The following DCAF8 variants were observed in gnomAD, a reference collection of about 807,000 sequenced individuals.
The protein encoded by DCAF8 is DDB1 and CUL4 associated factor 8.
DCAF8 carries 20 observed loss-of-function variants against 68.0 expected under a neutral mutation model. That is an observed-to-expected ratio of 0.29 (90% confidence interval 0.21 to 0.43). The LOEUF (loss-of-function observed/expected upper bound fraction) is 0.43. Among genes scored for constraint, DCAF8 ranks in the 20% least tolerant of loss-of-function variants. DCAF8 has a pLI of 1.00. For missense variants in DCAF8, 460 were observed against 771.0 expected (o/e 0.60, Z 4.78); for synonymous variants, 230 against 276.9 (o/e 0.83, Z 1.68).
chr1:160,224,964 C>A, intron 9 of DCAF8, 98 bp downstream of exon 9: 2 of 1,146,280 alleles, frequency 1.7e-6, no homozygotes, highest in South Asian at 1.2e-5. Flanking sequence ...GGAGCTATAG[C>A]ACAGTGGTGA....
intron 6 of DCAF8, among the ~76,000 whole-genome samples, chr1:160,234,033 T>C (rs920874770): frequency 2.6e-5 from 4 of 152,164 alleles, no homozygotes; most frequent in African/African-American, 9.7e-5. Context: ...TACCTCAAAC[T>C]GGCTTCCACT....
intron 2 of DCAF8, among the ~76,000 whole-genome samples, chr1:160,257,152 T>G (rs1656866654): frequency 6.6e-6 from 1 of 152,150 alleles, no homozygotes; most frequent in South Asian, 2.1e-4. Context: ...GGCTCTAAAA[T>G]GAAAATATAC....
rs770439592 is a variant in DCAF8, at chr1:160,231,435, T to C, written c.960-28A>G. The C allele has an allele frequency of 5.2e-6, 8 of 1,549,274 alleles. No homozygotes were observed. The Admixed American group carries it at 1.2e-4, about 23-fold the overall frequency. On this transcript the variant is annotated intron_variant, in intron 6 of 13. Transcript: ENST00000368074. ...TTAAGAGTAGAAAAGCACAGAAAGT[T>C]ATATACTCCAAAAGATCCAAATGGT...
intron 6 of DCAF8, 122 bp downstream of exon 6, chr1:160,237,013 C>A: frequency 3.2e-6 from 2 of 622,136 alleles, no homozygotes; most frequent in Non-Finnish European, 5.4e-6. Context: ...CCTTAAACTA[C>A]CTCTTAACCA....
At position 160,236,416 on chromosome 1, in the gene DCAF8, A is replaced by G. The variant is rs146444030; in HGVS notation, c.959+719T>C. Among the ~76,000 whole-genome samples, 14 of 151,502 alleles carry G rather than the reference A, an allele frequency of 9.2e-5. No individual in the cohort carries two copies. In the East Asian group the frequency reaches 9.7e-4, roughly 10 times the overall value. ...TGTGTACATGTGTATATGTGTGTGT[A>G]TATATGTGTGTGTGTATGTGTGTGT... is the stretch of plus-strand genomic sequence containing the variant. On this transcript the variant is annotated intron_variant, in intron 6 of 13. Transcript: ENST00000368074.
intron 4 of DCAF8, chr1:160,239,354 C>T: frequency 7.6e-7 from 1 of 1,319,062 alleles, no homozygotes; most frequent in African/African-American, 1.5e-5. Flanking sequence ...GGTAAAATAA[C>T]TTGGCCAAGA....
chr1:160,229,607 C>G (rs1434707539), intron 7 of DCAF8, among the ~76,000 whole-genome samples: 1 of 152,200 alleles, frequency 6.6e-6, no homozygotes. Context: ...TTCAAGTAAT[C>G]TGGAGCTCTA....
intron 3 of DCAF8, 30 bp from the exon 4 acceptor site, chr1:160,240,400 G>C: frequency 6.5e-7 from 1 of 1,549,590 alleles, no homozygotes; most frequent in Non-Finnish European, 8.7e-7. Flanking sequence ...GAGTAGAGGA[G>C]AGGGAAAAAT....
rs879710388 is a variant in DCAF8 at position 160,230,926 on chromosome 1, AT to A, written c.1070+370del. Among the ~76,000 whole-genome samples the A allele has an allele frequency of 2.4e-3, 343 of 144,056 alleles. 1 individual carries two copies. The highest frequency in any genetic ancestry group is 3.9e-3 in the Non-Finnish European group (255 of 65,250). The allele number at this position is 144,056 out of a possible 152,430, so 94.5% of individuals were successfully genotyped here. On this transcript the variant is annotated intron_variant, in intron 7 of 13. Coordinates refer to ENST00000368074, the MANE Select transcript of DCAF8 (RefSeq NM_015726.4). ...ACCACCATGCCTGGCTAATTTTTGT[AT>A]TTTTTTTTTTAGAGACAGAGTTTTG...
At position 160,217,538 on chromosome 1, in the gene DCAF8, G is replaced by T; in HGVS notation, c.*54C>A. On this transcript the variant is annotated 3_prime_UTR_variant, in exon 14 of 14. Coordinates refer to ENST00000368074, the MANE Select transcript of DCAF8 (RefSeq NM_015726.4). ...GTAGGGCCTGGGACAGGAAAGGGTT[G>T]CCCAGGCAGGATCAGGTTGGCAGCC... 7.4e-7 allele frequency: 1 copy of T among 1,356,228 alleles called. No homozygotes were observed. The highest frequency in any genetic ancestry group is 1.0e-6 in the Non-Finnish European group (1 of 959,350). 84.0% of individuals were successfully genotyped at this position (1,356,228 alleles called of 1,614,324 possible). A position where few individuals can be genotyped will look rare whatever the true frequency, so the allele number is the denominator to read the frequency against.
intron 2 of DCAF8, among the ~76,000 whole-genome samples, chr1:160,249,436 T>C (rs1656490166): frequency 6.6e-6 from 1 of 152,112 alleles, no homozygotes; most frequent in Non-Finnish European, 1.5e-5. Flanking sequence ...AAAAAGCAAT[T>C]TGGCAGTTTC....
At chr1:160,218,481 G>A (rs373235551) in intron 12 of DCAF8, 41 bp from the exon 13 acceptor site, 261 of 1,457,748 alleles carry the variant, frequency 1.8e-4, no homozygotes, top group Non-Finnish European at 2.4e-4. Flanking sequence ...CAGCAATGAA[G>A]AGGAACCCGG....
chr1:160,257,770 G>A (rs891402719), intron 2 of DCAF8, among the ~76,000 whole-genome samples: 1 of 152,130 alleles, frequency 6.6e-6, no homozygotes, highest in Non-Finnish European at 1.5e-5. Context: ...AAACTGCAGA[G>A]GCGCAATCTC....
intron 1 of DCAF8, chr1:160,261,651 C>T (rs1557846073): frequency 6.6e-6 from 1 of 152,208 alleles, no homozygotes; most frequent in African/African-American, 2.4e-5. Flanking sequence ...AACCTCTCAA[C>T]AAGAAGCCAC....
intron 2 of DCAF8, among the ~76,000 whole-genome samples, chr1:160,257,502 T>C (rs552859554): frequency 2.0e-5 from 3 of 152,324 alleles, no homozygotes; most frequent in African/African-American, 4.8e-5. Context: ...ACTCCCCTGA[T>C]AGAATACAAG....
chr1:160,248,115 G>A (rs1306375840), intron 2 of DCAF8, among the ~76,000 whole-genome samples: 2 of 151,962 alleles, frequency 1.3e-5, no homozygotes, highest in Admixed American at 6.6e-5. Context: ...AGATCAGCCT[G>A]GCCAACATGG....
intron 5 of DCAF8, 81 bp downstream of exon 5, chr1:160,238,526 T>C (rs1416483935): frequency 4.2e-6 from 6 of 1,418,620 alleles, no homozygotes; most frequent in Non-Finnish European, 4.7e-6. Flanking sequence ...TGTGACACAA[T>C]GGGCAGAGAT....
chr1:160,259,359 C>T (rs1159331532), intron 2 of DCAF8, among the ~76,000 whole-genome samples: 1 of 152,036 alleles, frequency 6.6e-6, no homozygotes, highest in Non-Finnish European at 1.5e-5. Flanking sequence ...ATGGTGAAAC[C>T]CCTCCTCTAC....
intron 2 of DCAF8, among the ~76,000 whole-genome samples, chr1:160,257,269 TAAA>T (rs71811331): frequency 7.0e-6 from 1 of 143,292 alleles, no homozygotes; most frequent in African/African-American, 2.5e-5. Context: ...TAATCTGCTT[TAAA>T]AAAAAAAAAA....
Sources: gnomAD v4.1 joint callset for allele counts (sites outside exome capture counted in the v4.1 genomes callset) on GRCh38, gnomAD v4.1.1 for gene constraint, MANE v1.5 for transcripts, NCBI Gene and HGNC (gene_info 2026-07-23, HGNC 2026-07-21) for gene names.